KRT4: variants seen among roughly 807,000 people sequenced by gnomAD.
The protein encoded by KRT4 is keratin, type II cytoskeletal 4.
Under a neutral mutation model 50.6 loss-of-function variants are expected in KRT4, and 47 were observed. The observed-to-expected ratio is 0.93, with a 90% CI of 0.73 to 1.18. The LOEUF is 1.18. Among genes scored for constraint, KRT4 ranks in the 50% most tolerant of loss-of-function variants. The probability of loss-of-function intolerance (pLI) is 0.00; values close to 1 mark genes in which losing one functional copy is unlikely to be tolerated. For missense variants in KRT4, 651 were observed against 645.7 expected, an observed-to-expected ratio of 1.01 and a Z score of -0.09; for synonymous variants, 254 against 251.2, an observed-to-expected ratio of 1.01 and a Z score of -0.10.
rs7959052 is a variant in KRT4, at chr12:52,811,973, T to G, written c.467A>C (p.Gln156Pro). The G allele has an allele frequency of 1.8e-5, 29 of 1,612,142 alleles. No homozygotes were observed. The highest frequency in any genetic ancestry group is 2.2e-5 in the Non-Finnish European group (26 of 1,179,030). Residue 156 changes from glutamine to proline, a missense_variant, in exon 2 of 9, where the codon CAG (glutamine) becomes CCG (proline). Physicochemically the swap from Gln to Pro is moderately conservative, Grantham distance 76 (BLOSUM62 -1). Coordinates refer to ENST00000551956, the MANE Select transcript of KRT4 (RefSeq NM_002272.4). ...GACCTTATTCTGTTGCTCTAAGAACTGCACCTGTGTTGATAAAGGCACCAG... is the reference window on the plus strand; with the variant it reads ...GACCTTATTCTGTTGCTCTAAGAACGGCACCTGTGTTGATAAAGGCACCAG... Reference protein sequence around the residue: ...NKFASFIDKVQFLEQQNKVLE... With the variant: ...NKFASFIDKVPFLEQQNKVLE...
In KRT4 at chr12:52,811,991, G is replaced by T. The variant is rs768833251; in HGVS notation, c.463-14C>A. On this transcript the variant is annotated splice_polypyrimidine_tract_variant and intron_variant, in intron 1 of 8. Transcript: ENST00000551956. ...TAAGAACTGCACCTGTGTTGATAAA[G>T]GCACCAGCCAAGTGATGAGGGCCTG... 3 of 1,605,052 alleles carry T rather than the reference G, an allele frequency of 1.9e-6. No homozygotes were observed. The highest frequency in any genetic ancestry group is 8.5e-7 in the Non-Finnish European group (1 of 1,174,054).
At chr12:52,808,588 G>T in intron 5 of KRT4, 98 bp downstream of exon 5, 2 of 1,503,500 alleles carry the variant, frequency 1.3e-6, no homozygotes, top group South Asian at 2.3e-5. Flanking sequence ...GTTCATATCT[G>T]ACTTCTATTG....
Position 52,811,822 on chromosome 12 carries a change from T to G in KRT4, c.618A>C (p.Lys206Asn), listed in dbSNP as rs1394267018. Residue 206 changes from lysine to asparagine, a missense_variant, in exon 2 of 9, where the codon AAA (lysine) becomes AAC (asparagine). Lys to Asn is a moderately conservative substitution (Grantham distance 94). Coordinates refer to ENST00000551956, the MANE Select transcript of KRT4 (RefSeq NM_002272.4). ...RKQLDTLGND[K>N]GRLQSELKTM... The stretch of plus-strand genomic sequence containing the variant: ...TCTTCAGCTCAGACTGCAGGCGCCC[T>G]TTGTCATTGCCCAAGGTATCTAGCT... 4 of 1,613,980 alleles carry G rather than the reference T, an allele frequency of 2.5e-6. No homozygotes were observed. Among genetic ancestry groups the G allele is most frequent in the Non-Finnish European group, 3.4e-6 (4 of 1,179,998 alleles).
intron 4 of KRT4, chr12:52,809,179 G>A (rs907529904): frequency 5.0e-5 from 33 of 656,852 alleles, no homozygotes; most frequent in Middle Eastern, 3.2e-4. Context: ...TAATCACCCC[G>A]TCTAAGACCA....
rs1939909635 is a variant in KRT4 at position 52,811,526 on chromosome 12, T to C, written c.677+237A>G. The C allele has an allele frequency of 1.1e-5, 6 of 540,390 alleles. No individual in the cohort carries two copies. The East Asian group carries it at 2.0e-4, about 18-fold the overall frequency. The allele number at this position is 540,390 out of a possible 1,614,324, so 33.5% of individuals were successfully genotyped here. ...TCATCTATTTGGGTTCTGATCTTGTTCGTATATGGCAGACCCAAATCCCTG... is the reference window on the plus strand; with the variant it reads ...TCATCTATTTGGGTTCTGATCTTGTCCGTATATGGCAGACCCAAATCCCTG... On this transcript the variant is annotated intron_variant, in intron 2 of 8. Transcript: ENST00000551956.
chr12:52,812,128 T>C (rs747244953), intron 1 of KRT4, 151 bp from the exon 2 acceptor site: 3 of 694,208 alleles, frequency 4.3e-6, no homozygotes, highest in Non-Finnish European at 7.8e-6. Context: ...CAGGGCACCA[T>C]TCACTCGGGT....
rs777834811 is a variant in KRT4 at position 52,808,300 on chromosome 12, C to T, written c.1119G>A (p.Lys373=). The T allele has an allele frequency of 1.9e-6, 3 of 1,614,152 alleles. No homozygotes were observed. Among genetic ancestry groups the T allele is most frequent in the South Asian group, 2.2e-5 (2 of 91,078 alleles). The change falls in exon 6 of 9, where the codon AAG becomes AAA. Residue 373 remains lysine, a synonymous_variant. Coordinates refer to ENST00000551956, the MANE Select transcript of KRT4 (RefSeq NM_002272.4). ...GGAAGGGAGTGACACCCACCTGCTT[C>T]TTGATGTTCTCGATCTCTGCCCGCA... ...QRLRAEIENI[K]KQCQTLQVSV...
chr12:52,811,378 T>C (rs529786497), intron 2 of KRT4: 1 of 269,666 alleles, frequency 3.7e-6, no homozygotes, highest in Admixed American at 5.0e-5. Context: ...TGAATAAAAC[T>C]GAAGCTCAGA....
chr12:52,811,760 T>G lies in KRT4; in HGVS notation c.677+3A>C. The stretch of plus-strand genomic sequence containing the variant: ...TGGCGTCCCCTCCTTCCTCCCCATG[T>G]ACTTAGTCTTGAAGTCCTCCACGCT... On this transcript the variant is annotated splice_donor_region_variant and intron_variant, in intron 2 of 8. Coordinates refer to ENST00000551956, the MANE Select transcript of KRT4 (RefSeq NM_002272.4). 1 of 1,611,322 alleles carries G rather than the reference T, an allele frequency of 6.2e-7. No individual in the cohort carries two copies. Among genetic ancestry groups the G allele is most frequent in the Non-Finnish European group, 8.5e-7 (1 of 1,178,306 alleles).
At chr12:52,812,104 CT>C in intron 1 of KRT4, 127 bp from the exon 2 acceptor site, 3 of 736,454 alleles carry the variant, frequency 4.1e-6, no homozygotes, top group Non-Finnish European at 7.2e-6. Context: ...AGTAGGGCCA[CT>C]ATGTTGCATC....
At position 52,811,884 on chromosome 12, in the gene KRT4, G is replaced by A. The variant is rs1279174411; in HGVS notation, c.556C>T (p.Pro186Ser). 2 of 1,613,928 alleles carry A rather than the reference G, an allele frequency of 1.2e-6. No individual in the cohort carries two copies. The highest frequency in any genetic ancestry group is 1.7e-5 in the Admixed American group (1 of 59,998). Residue 186 changes from proline to serine, a missense_variant, in exon 2 of 9, where the codon CCC (proline) becomes TCC (serine). Physicochemically the swap from Pro to Ser is moderately conservative, Grantham distance 74. Transcript: ENST00000551956. ...ACACTGAGGTAGGTCTCAAAGAGGG[G>A]CTCAAGGTTTTTGCTGGAGGTGGTG... Reference protein sequence around the residue: ...TTTTSSKNLEPLFETYLSVLR... With the variant: ...TTTTSSKNLESLFETYLSVLR...
At position 52,813,701 on chromosome 12, in the gene KRT4, T is replaced by C. The variant is rs1317563251; in HGVS notation, c.358A>G (p.Thr120Ala). The C allele has an allele frequency of 2.1e-6, 3 of 1,399,754 alleles. No homozygotes were observed. The African/African-American group carries it at 6.6e-5, about 31-fold the overall frequency. The allele number at this position is 1,399,754 out of a possible 1,614,324, so 86.7% of individuals were successfully genotyped here. ...GGGTCAATCTCCACGTGGAGGGGGG[T>C]GAGCAAGCTCTGGTTGATGGTGACC... The part of the protein sequence containing the change: ...QEVTINQSLL[T>A]PLHVEIDPEI... The change falls in exon 1 of 9, where the codon ACC becomes GCC. Residue 120 changes from threonine to alanine, a missense_variant. Coordinates refer to ENST00000551956, the MANE Select transcript of KRT4 (RefSeq NM_002272.4).
Position 52,813,640 on chromosome 12 carries a change from T to A in KRT4, c.419A>T (p.Gln140Leu), listed in dbSNP as rs1477151429. The change falls in exon 1 of 9, where the codon CAG (glutamine) becomes CTG (leucine). Residue 140 changes from glutamine to leucine, a missense_variant. Coordinates refer to ENST00000551956, the MANE Select transcript of KRT4 (RefSeq NM_002272.4). ...AAACTTGTTGTTGAGGAGCTTGATCTGTTCGCGCTCTTCCGTCCGGACTTT... is the reference window on the plus strand; with the variant it reads ...AAACTTGTTGTTGAGGAGCTTGATCAGTTCGCGCTCTTCCGTCCGGACTTT... The part of the protein sequence containing the change: ...IQKVRTEERE[Q>L]IKLLNNKFAS... 8 of 1,613,874 alleles carry A rather than the reference T, an allele frequency of 5.0e-6. No individual in the cohort carries two copies. In the South Asian group the frequency reaches 7.7e-5, roughly 16 times the overall value.
rs1176595490 is a variant in KRT4, at chr12:52,813,952, G to A, written c.107C>T (p.Ser36Phe). 7 of 1,614,060 alleles carry A rather than the reference G, an allele frequency of 4.3e-6. No individual in the cohort carries two copies. In the Admixed American group the frequency reaches 1.2e-4, roughly 27 times the overall value. ...AGAAGAGCATCGGCCAGCACCTCCA[G>A]ACATGGAGACTGAGCTGAAGGCACC... ...KRGAFSSVSM[S>F]GGAGRCSSGG... Residue 36 changes from serine (S) to phenylalanine (F), a missense_variant, in exon 1 of 9, where the codon TCT (serine) becomes TTT (phenylalanine). By Grantham distance (155) the Ser-to-Phe change is radical. Transcript: ENST00000551956.
rs367751022 is a variant in KRT4, at chr12:52,807,215, T to A, written c.1417A>T (p.Ser473Cys). The change falls in exon 9 of 9, where the codon AGC (serine) becomes TGC (cysteine). Residue 473 changes from serine (S) to cysteine (C), a missense_variant. Coordinates refer to ENST00000551956, the MANE Select transcript of KRT4 (RefSeq NM_002272.4). ...VSGSTSTGGI[S>C]GGLGSGSGFG... ...CCGGAGCCACTTCCTAATCCTCCGCTGATGCCTCCAGTGCTGGTGCTACCG... is the reference window on the plus strand; with the variant it reads ...CCGGAGCCACTTCCTAATCCTCCGCAGATGCCTCCAGTGCTGGTGCTACCG... 59 of 1,614,036 alleles carry A rather than the reference T, an allele frequency of 3.7e-5. 1 individual carries two copies. Among genetic ancestry groups the A allele is most frequent in the Non-Finnish European group, 4.7e-5 (55 of 1,180,030 alleles).
At position 52,808,850 on chromosome 12, in the gene KRT4, C is replaced by T; in HGVS notation, c.835G>A (p.Glu279Lys). 6.2e-7 allele frequency: 1 copy of T among 1,614,094 alleles called. No individual in the cohort carries two copies. The highest frequency in any genetic ancestry group is 1.7e-4 in the Middle Eastern group (1 of 6,060). Residue 279 changes from glutamate to lysine, a missense_variant and splice_region_variant, in exon 5 of 9, where the codon GAG becomes AAG. Transcript: ENST00000551956. ...INFLKVLYDA[E>K]LSQMQTHVSD... ...ACATGGGTCTGCATCTGGGACAGCTCCTGCAGGGCAAATGTCTCACATCAG... is the reference window on the plus strand; with the variant it reads ...ACATGGGTCTGCATCTGGGACAGCTTCTGCAGGGCAAATGTCTCACATCAG...
At chr12:52,807,499 G>C (rs1939820530) in intron 7 of KRT4, 106 bp from the exon 8 acceptor site, 2 of 1,506,478 alleles carry the variant, frequency 1.3e-6, no homozygotes, top group Non-Finnish European at 1.8e-6. Flanking sequence ...GAGTTTGAGG[G>C]CCCAGTGTGA....
chr12:52,807,600 G>A (rs1939822786), intron 7 of KRT4, 44 bp downstream of exon 7: 1 of 1,596,284 alleles, frequency 6.3e-7, no homozygotes, highest in African/African-American at 1.3e-5. Flanking sequence ...TCATGGCCCT[G>A]GACCTCTCTG....
At position 52,807,788 on chromosome 12, in the gene KRT4, C is replaced by A. The variant is rs765639771; in HGVS notation, c.1202G>T (p.Arg401Leu). 5 of 1,614,198 alleles carry A rather than the reference C, an allele frequency of 3.1e-6. No homozygotes were observed. The highest frequency in any genetic ancestry group is 1.7e-4 in the Middle Eastern group (1 of 6,060). Residue 401 changes from arginine to leucine, a missense_variant, in exon 7 of 9, where the codon CGC becomes CTC. Physicochemically the swap from Arg to Leu is moderately radical, Grantham distance 102. Transcript: ENST00000551956. ...ENALKDAHSKRVELEAALQQA... is the reference protein window; with the variant it reads ...ENALKDAHSKLVELEAALQQA... ...CTGCAGGGCAGCCTCCAGCTCTACG[C>A]GCTTGCTGTGGGCATCTTTAAGGGC...
Sources: allele counts gnomAD v4.1 joint callset, GRCh38; gene constraint gnomAD v4.1.1; transcripts MANE v1.5; gene names NCBI Gene and HGNC (gene_info 2026-07-23, HGNC 2026-07-21).